COL26A1: variants seen among roughly 807,000 people sequenced by gnomAD.
COL26A1 encodes the protein collagen alpha-1(XXVI) chain.
In COL26A1, 41 loss-of-function variants were observed where a neutral mutation model predicts 59.3. The observed-to-expected ratio is 0.69, with a 90% CI of 0.54 to 0.90. COL26A1 has a LOEUF of 0.90. COL26A1 is among the 40% of genes least tolerant of loss of function. COL26A1 has a pLI of 0.00. For synonymous variants in COL26A1, 266 were observed against 256.0 expected (o/e 1.04, Z -0.37); for missense variants, 612 against 602.3 (o/e 1.02, Z -0.17).
chr7:101,514,498 A>G (rs7806682), intron 3 of COL26A1, among the ~76,000 whole-genome samples: 27,630 of 152,086 alleles, frequency 0.18, 2,923 homozygotes, highest in African/African-American at 0.29. Context: ...CAGGGGACCC[A>G]GGGTTGTCCC....
chr7:101,529,637 C>A (rs1442732145), intron 3 of COL26A1, among the ~76,000 whole-genome samples: 2 of 152,066 alleles, frequency 1.3e-5, no homozygotes, highest in African/African-American at 4.8e-5. Flanking sequence ...CCATATATAC[C>A]CCTTGTTCAG....
chr7:101,374,166 C>T (rs946256290), intron 1 of COL26A1, among the ~76,000 whole-genome samples: 2 of 152,214 alleles, frequency 1.3e-5, no homozygotes, highest in Non-Finnish European at 2.9e-5. Flanking sequence ...CCAGCCTGGC[C>T]TTGTCTCTAC....
chr7:101,526,587 T>G (rs1795252524), intron 3 of COL26A1, among the ~76,000 whole-genome samples: 1 of 152,200 alleles, frequency 6.6e-6, no homozygotes, highest in Non-Finnish European at 1.5e-5. Flanking sequence ...CTGCCCTATC[T>G]GCAAATCCCC....
chr7:101,478,619 T>G (rs1261345926), intron 3 of COL26A1, among the ~76,000 whole-genome samples: 1 of 152,224 alleles, frequency 6.6e-6, no homozygotes, highest in Non-Finnish European at 1.5e-5. Flanking sequence ...CATATTTGCT[T>G]CAGTGTTTCC....
rs183399636 is a variant in COL26A1, at chr7:101,469,973, C to T, written c.385+22186C>T. ...TAAATACTCAAGATTCGTTGTCTCA[C>T]GACCATGGGCAACTAGGACACAGAC... is the stretch of plus-strand genomic sequence containing the variant. On this transcript the variant is annotated intron_variant, in intron 3 of 12. Coordinates refer to ENST00000313669, the MANE Select transcript of COL26A1 (RefSeq NM_001278563.3). 5.9e-5 allele frequency among the ~76,000 whole-genome samples: 9 copies of T among 152,200 alleles called. No individual in the cohort carries two copies. In the East Asian group the frequency reaches 1.5e-3, roughly 26 times the overall value.
chr7:101,430,877 C>T (rs1188277673), intron 2 of COL26A1, among the ~76,000 whole-genome samples: 4 of 151,892 alleles, frequency 2.6e-5, no homozygotes, highest in African/African-American at 9.7e-5. Context: ...TCACTGCAAC[C>T]TCACCTCCCG....
chr7:101,446,111 G>T (rs1793189691), intron 2 of COL26A1, among the ~76,000 whole-genome samples: 2 of 144,512 alleles, frequency 1.4e-5, no homozygotes, highest in African/African-American at 5.1e-5. Flanking sequence ...TAAATAACCA[G>T]ATGTCACGTG....
intron 1 of COL26A1, among the ~76,000 whole-genome samples, chr7:101,410,671 C>T (rs1029357678): frequency 1.4e-5 from 2 of 146,412 alleles, no homozygotes; most frequent in South Asian, 2.3e-4. Context: ...TGCACCACCA[C>T]GCCCGGCTAA....
At chr7:101,510,018 G>A (rs962279010) in intron 3 of COL26A1, among the ~76,000 whole-genome samples, 6 of 126,334 alleles carry the variant, frequency 4.7e-5, no homozygotes, top group African/African-American at 8.6e-5. Flanking sequence ...ATAAGCCATC[G>A]CGCCCAGTCT....
At chr7:101,515,298 G>C (rs1177865092) in intron 3 of COL26A1, among the ~76,000 whole-genome samples, 1 of 142,266 alleles carries the variant, frequency 7.0e-6, no homozygotes, top group Non-Finnish European at 1.6e-5. Context: ...TTTTTTTTTT[G>C]AGACAGGGTC....
At chr7:101,503,594 C>T (rs1173447954) in intron 3 of COL26A1, among the ~76,000 whole-genome samples, 2 of 152,208 alleles carry the variant, frequency 1.3e-5, no homozygotes, top group Non-Finnish European at 2.9e-5. Flanking sequence ...GTTGTCCAGG[C>T]TAGTCTTGAC....
chr7:101,533,938 G>A (rs1316341606), intron 4 of COL26A1, among the ~76,000 whole-genome samples: 1 of 152,240 alleles, frequency 6.6e-6, no homozygotes, highest in African/African-American at 2.4e-5. Flanking sequence ...ACAGGCAAAA[G>A]CCAAAGCCAG....
intron 3 of COL26A1, among the ~76,000 whole-genome samples, chr7:101,489,640 TC>T (rs1794346264): frequency 1.4e-5 from 1 of 70,524 alleles, no homozygotes; most frequent in Non-Finnish European, 2.5e-5. Flanking sequence ...TTTCTTTCTT[TC>T]TTTCTTTCTT....
intron 1 of COL26A1, among the ~76,000 whole-genome samples, chr7:101,417,375 C>CTTTT (rs71106526): frequency 7.2e-6 from 1 of 139,150 alleles, no homozygotes. Context: ...AGGTCACAAG[C>CTTTT]TTTTTTTTTT....
chr7:101,510,940 G>A (rs1385508563), intron 3 of COL26A1, among the ~76,000 whole-genome samples: 6 of 129,620 alleles, frequency 4.6e-5, no homozygotes, highest in South Asian at 4.7e-4. Flanking sequence ...TCGCTCTGTC[G>A]CCCAGGCTGG....
At chr7:101,520,664 C>CACACACA (rs1554341000) in intron 3 of COL26A1, among the ~76,000 whole-genome samples, 172 of 95,956 alleles carry the variant, frequency 1.8e-3, no homozygotes, top group African/African-American at 7.5e-3. Context: ...ACACACACAC[C>CACACACA]CCCGTGTTCT....
chr7:101,397,663 A>G (rs565097842), intron 1 of COL26A1, among the ~76,000 whole-genome samples: 1 of 151,640 alleles, frequency 6.6e-6, no homozygotes, highest in East Asian at 1.9e-4. Context: ...TAGCCTCCCG[A>G]GTAGCTGGGA....
chr7:101,496,296 G>A (rs903458083), intron 3 of COL26A1, among the ~76,000 whole-genome samples: 1 of 152,164 alleles, frequency 6.6e-6, no homozygotes, highest in African/African-American at 2.4e-5. Flanking sequence ...AACTGAATAG[G>A]TTCATTGCCC....
At chr7:101,520,756 G>A (rs1795127960) in intron 3 of COL26A1, among the ~76,000 whole-genome samples, 1 of 151,984 alleles carries the variant, frequency 6.6e-6, no homozygotes, top group African/African-American at 2.4e-5. Context: ...CAGCAGCAGG[G>A]CCCTGACTCT....
Sources: gnomAD v4.1 joint callset for allele counts (sites outside exome capture counted in the v4.1 genomes callset) on GRCh38, gnomAD v4.1.1 for gene constraint, MANE v1.5 for transcripts, NCBI Gene and HGNC (gene_info 2026-07-23, HGNC 2026-07-21) for gene names.